The following AGPAT4 variants were observed in gnomAD, a reference collection of about 807,000 sequenced individuals.
AGPAT4 encodes 1-acyl-sn-glycerol-3-phosphate acyltransferase delta.
In AGPAT4, 15 loss-of-function variants were observed where a neutral mutation model predicts 48.0. That is an observed-to-expected ratio of 0.31 (90% confidence interval 0.21 to 0.48). The LOEUF (loss-of-function observed/expected upper bound fraction) is 0.48. AGPAT4 is among the 20% of genes least tolerant of loss of function. AGPAT4 has a pLI of 0.99. For synonymous variants in AGPAT4, 178 were observed against 198.7 expected, an observed-to-expected ratio of 0.90 and a Z score of 0.88; for missense variants, 314 against 482.5, an observed-to-expected ratio of 0.65 and a Z score of 3.27.
chr6:161,250,524 T>C (rs1317720132), intron 1 of AGPAT4, among the ~76,000 whole-genome samples: 1 of 152,188 alleles, frequency 6.6e-6, no homozygotes, highest in Non-Finnish European at 1.5e-5. Flanking sequence ...TATTTAGGCT[T>C]CTTTGTGTTT....
intron 2 of AGPAT4, among the ~76,000 whole-genome samples, chr6:161,173,003 A>G (rs935362726): frequency 2.6e-5 from 4 of 152,218 alleles, no homozygotes; most frequent in African/African-American, 9.7e-5. Context: ...ATACTATTCC[A>G]TGGTGTATAT....
rs1229176459 is a variant in AGPAT4 at position 161,134,981 on chromosome 6, T to G, written c.*1559A>C. On this transcript the variant is annotated 3_prime_UTR_variant, in exon 9 of 9. Coordinates refer to ENST00000320285, the MANE Select transcript of AGPAT4 (RefSeq NM_020133.3). ...TTTTTCCCTTTTTCACTTCTGTGGA[T>G]TCAAATAATTCATTTGTATCAACAA... is the stretch of plus-strand genomic sequence containing the variant. 1 of 123,458 alleles carries G rather than the reference T, an allele frequency of 8.1e-6. No individual in the cohort carries two copies. The highest frequency in any genetic ancestry group is 3.2e-5 in the African/African-American group (1 of 30,794). The allele number at this position is 123,458 out of a possible 1,614,324, so 7.6% of individuals were successfully genotyped here. A position where few individuals can be genotyped will look rare whatever the true frequency, so the allele number is the denominator to read the frequency against.
Position 161,234,866 on chromosome 6 carries a change from A to C in AGPAT4, c.-89-2564T>G, listed in dbSNP as rs1782228200. 6.6e-6 allele frequency among the ~76,000 whole-genome samples: 1 copy of C among 151,986 alleles called. No homozygotes were observed. The highest frequency in any genetic ancestry group is 2.4e-5 in the African/African-American group (1 of 41,354). On this transcript the variant is annotated intron_variant, in intron 1 of 8. Transcript: ENST00000320285. The surrounding 1 kb of genome is among the most constrained non-coding windows in gnomAD (Gnocchi z 4.4). ...TCAATATTAGGGCATTAGGAAGAAA[A>C]ATTAAGAATTCTTTTTTCCTTATAA...
Position 161,272,866 on chromosome 6 carries a change from G to A in AGPAT4, c.-90+1072C>T, listed in dbSNP as rs920362236. On this transcript the variant is annotated intron_variant, in intron 1 of 8. Transcript: ENST00000320285. The surrounding 1 kb of genome is among the most constrained non-coding windows in gnomAD (Gnocchi z 4.2). The stretch of plus-strand genomic sequence containing the variant: ...TCACCTTGAAGAGAGTGAATAGCGT[G>A]GCTAATCCATCTAAGAACAATGCAC... 6.6e-6 allele frequency among the ~76,000 whole-genome samples: 1 copy of A among 152,142 alleles called. No individual in the cohort carries two copies. Among genetic ancestry groups the A allele is most frequent in the Non-Finnish European group, 1.5e-5 (1 of 68,038 alleles).
In AGPAT4 at chr6:161,204,067, T is replaced by C. The variant is rs572832366; in HGVS notation, c.178+27969A>G. Among the ~76,000 whole-genome samples, 9 of 152,290 alleles carry C rather than the reference T, an allele frequency of 5.9e-5. No individual in the cohort carries two copies. In the East Asian group the frequency reaches 9.7e-4, roughly 16 times the overall value. ...TGTTGATTCTAGGTTGTTAAATGTT[T>C]AAAAACAATTTCAGACTCTTGAGTT... On this transcript the variant is annotated intron_variant, in intron 2 of 8. Transcript: ENST00000320285. This position sits in a 1 kb window ranked among gnomAD's most constrained non-coding sequence, Gnocchi z 4.4.
At chr6:161,256,106 T>C (rs998949252) in intron 1 of AGPAT4, among the ~76,000 whole-genome samples, 2 of 152,028 alleles carry the variant, frequency 1.3e-5, no homozygotes, top group East Asian at 3.9e-4. Context: ...GCGAGGCCGG[T>C]TGGCAGGATG....
Position 161,134,942 on chromosome 6 carries a change from A to G in AGPAT4, c.*1598T>C, listed in dbSNP as rs1779017504. ...AGGCTCTGCAGTACGCTCTTCCCAC[A>G]AGTCAGCCAGGATTTTTTCCCTTTT... is the stretch of plus-strand genomic sequence containing the variant. On this transcript the variant is annotated 3_prime_UTR_variant, in exon 9 of 9. Coordinates refer to ENST00000320285, the MANE Select transcript of AGPAT4 (RefSeq NM_020133.3). The G allele has an allele frequency of 6.6e-6, 1 of 152,250 alleles. No individual in the cohort carries two copies. Among genetic ancestry groups the G allele is most frequent in the Non-Finnish European group, 1.5e-5 (1 of 68,058 alleles). 9.4% of individuals were successfully genotyped at this position (152,250 alleles called of 1,614,324 possible).
At chr6:161,163,031 T>C (rs1779980761) in intron 3 of AGPAT4, among the ~76,000 whole-genome samples, 1 of 152,218 alleles carries the variant, frequency 6.6e-6, no homozygotes, top group Non-Finnish European at 1.5e-5. Context: ...CCCTGGCACA[T>C]GCCAGGAAGC....
rs1006820492 is a variant in AGPAT4 at position 161,255,016 on chromosome 6, C to A, written c.-90+18922G>T. Among the ~76,000 whole-genome samples, 1 of 152,150 alleles carries A rather than the reference C, an allele frequency of 6.6e-6. No homozygotes were observed. The highest frequency in any genetic ancestry group is 2.4e-5 in the African/African-American group (1 of 41,418). ...TGTTCTTATCGTTCCGAGGCCATTG[C>A]AGAGCCAGATACGGTTACACAGCCC... On this transcript the variant is annotated intron_variant, in intron 1 of 8. Transcript: ENST00000320285. The surrounding 1 kb of genome is among the most constrained non-coding windows in gnomAD (Gnocchi z 4.7).
chr6:161,269,392 G>A (rs980704887), intron 1 of AGPAT4, among the ~76,000 whole-genome samples: 8 of 152,198 alleles, frequency 5.3e-5, no homozygotes, highest in African/African-American at 1.9e-4. Flanking sequence ...TCCCTGCCCA[G>A]CACAGTTTAT....
chr6:161,197,364 C>T lies in AGPAT4; in HGVS notation c.179-30947G>A, dbSNP rs1781099018. Among the ~76,000 whole-genome samples, 1 of 152,130 alleles carries T rather than the reference C, an allele frequency of 6.6e-6. No homozygotes were observed. On this transcript the variant is annotated intron_variant, in intron 2 of 8. Coordinates refer to ENST00000320285, the MANE Select transcript of AGPAT4 (RefSeq NM_020133.3). The surrounding 1 kb of genome is among the most constrained non-coding windows in gnomAD (Gnocchi z 5.7). ...AGTGATTCTTGATGGAGTAAGTACA[C>T]CTGCTTATGTTTATTTCTTAACATG... is the stretch of plus-strand genomic sequence containing the variant.
chr6:161,146,461 C>A lies in AGPAT4; in HGVS notation c.843+63G>T. 6.5e-7 allele frequency: 1 copy of A among 1,544,586 alleles called. No homozygotes were observed. Among genetic ancestry groups the A allele is most frequent in the African/African-American group, 1.4e-5 (1 of 73,510 alleles). ...CGGAGAAAGGCCTGCTACCACACAACACAGCCACACGGCGCACCCACAGCT... is the reference window on the plus strand; with the variant it reads ...CGGAGAAAGGCCTGCTACCACACAAAACAGCCACACGGCGCACCCACAGCT... On this transcript the variant is annotated intron_variant, in intron 7 of 8. Transcript: ENST00000320285. The surrounding 1 kb of genome is among the most constrained non-coding windows in gnomAD (Gnocchi z 7.1).
rs911044130 is a variant in AGPAT4, at chr6:161,171,986, A to G, written c.179-5569T>C. On this transcript the variant is annotated intron_variant, in intron 2 of 8. Transcript: ENST00000320285. This position sits in a 1 kb window ranked among gnomAD's most constrained non-coding sequence, Gnocchi z 4.4. ...ATTCAGAACATAGCATCCCTGAAATATTTACCTTCTTGTCTAGGCATCCAA... is the reference window on the plus strand; with the variant it reads ...ATTCAGAACATAGCATCCCTGAAATGTTTACCTTCTTGTCTAGGCATCCAA... Among the ~76,000 whole-genome samples the G allele has an allele frequency of 3.3e-5, 5 of 152,224 alleles. No homozygotes were observed. Among genetic ancestry groups the G allele is most frequent in the African/African-American group, 1.2e-4 (5 of 41,462 alleles).
Position 161,219,670 on chromosome 6 carries a change from T to C in AGPAT4, c.178+12366A>G, listed in dbSNP as rs567977908. 6.6e-6 allele frequency among the ~76,000 whole-genome samples: 1 copy of C among 152,356 alleles called. No individual in the cohort carries two copies. Among genetic ancestry groups the C allele is most frequent in the South Asian group, 2.1e-4 (1 of 4,834 alleles). The stretch of plus-strand genomic sequence containing the variant: ...AAGACAACTTGACTTAAGCCAAGCA[T>C]CCATTCATACAATTCAGTATCACAT... On this transcript the variant is annotated intron_variant, in intron 2 of 8. Transcript: ENST00000320285. This position sits in a 1 kb window ranked among gnomAD's most constrained non-coding sequence, Gnocchi z 4.9.
In AGPAT4 at chr6:161,245,425, G is replaced by A. The variant is rs989502830; in HGVS notation, c.-89-13123C>T. ...ATGGGAAATGGGGCCACTTGTGCAC[G>A]TGCCTTTAACCACAGTGCTTCTGAT... On this transcript the variant is annotated intron_variant, in intron 1 of 8. Coordinates refer to ENST00000320285, the MANE Select transcript of AGPAT4 (RefSeq NM_020133.3). This position sits in a 1 kb window ranked among gnomAD's most constrained non-coding sequence, Gnocchi z 5.2. Among the ~76,000 whole-genome samples, 4 of 152,160 alleles carry A rather than the reference G, an allele frequency of 2.6e-5. No homozygotes were observed. Among genetic ancestry groups the A allele is most frequent in the Non-Finnish European group, 4.4e-5 (3 of 68,036 alleles).
rs1000638640 is a variant in AGPAT4, at chr6:161,234,103, G to C, written c.-89-1801C>G. Among the ~76,000 whole-genome samples, 1 of 152,174 alleles carries C rather than the reference G, an allele frequency of 6.6e-6. No individual in the cohort carries two copies. The highest frequency in any genetic ancestry group is 2.4e-5 in the African/African-American group (1 of 41,436). ...GCTCACAACTCCCTTTGGCAGAGCA[G>C]CCCAGAAATTCCCCCAAGGGCAGAA... On this transcript the variant is annotated intron_variant, in intron 1 of 8. Transcript: ENST00000320285. This position sits in a 1 kb window ranked among gnomAD's most constrained non-coding sequence, Gnocchi z 4.4.
Position 161,155,017 on chromosome 6 carries a change from CT to C in AGPAT4, c.349-708del, listed in dbSNP as rs1779727944. On this transcript the variant is annotated intron_variant, in intron 3 of 8. Coordinates refer to ENST00000320285, the MANE Select transcript of AGPAT4 (RefSeq NM_020133.3). The surrounding 1 kb of genome is among the most constrained non-coding windows in gnomAD (Gnocchi z 5.8). ...CAGACCAGGAGATGTGCTCGGTGCC[CT>C]CCACACCCGCTGCCAGCATGTCCTT... is the stretch of plus-strand genomic sequence containing the variant. Among the ~76,000 whole-genome samples, 1 of 152,222 alleles carries C rather than the reference CT, an allele frequency of 6.6e-6. No individual in the cohort carries two copies. Among genetic ancestry groups the C allele is most frequent in the Non-Finnish European group, 1.5e-5 (1 of 68,034 alleles).
rs763179762 is a variant in AGPAT4 at position 161,212,653 on chromosome 6, T to C, written c.178+19383A>G. Among the ~76,000 whole-genome samples, 4 of 152,194 alleles carry C rather than the reference T, an allele frequency of 2.6e-5. No individual in the cohort carries two copies. The highest frequency in any genetic ancestry group is 5.9e-5 in the Non-Finnish European group (4 of 68,038). ...TGTACATTTTCAGTGATAATTATAA[T>C]TTTTATGTTAAATTGTTAGTGTGCC... On this transcript the variant is annotated intron_variant, in intron 2 of 8. Coordinates refer to ENST00000320285, the MANE Select transcript of AGPAT4 (RefSeq NM_020133.3). This position sits in a 1 kb window ranked among gnomAD's most constrained non-coding sequence, Gnocchi z 6.1.
rs1011238122 is a variant in AGPAT4 at position 161,231,249 on chromosome 6, T to G, written c.178+787A>C. ...GGTATAGGCTTAAGGCTAATCAATA[T>G]CAATAGCAAAATGCATTTCTGGATG... On this transcript the variant is annotated intron_variant, in intron 2 of 8. Transcript: ENST00000320285. The surrounding 1 kb of genome is among the most constrained non-coding windows in gnomAD (Gnocchi z 5.3). 6.6e-6 allele frequency among the ~76,000 whole-genome samples: 1 copy of G among 152,210 alleles called. No homozygotes were observed. The highest frequency in any genetic ancestry group is 2.4e-5 in the African/African-American group (1 of 41,462).
Sources: allele counts gnomAD v4.1 joint callset (sites outside exome capture counted in the v4.1 genomes callset), GRCh38; gene constraint gnomAD v4.1.1; non-coding constraint Gnocchi (gnomAD v3.1); transcripts MANE v1.5; gene names NCBI Gene and HGNC (gene_info 2026-07-23, HGNC 2026-07-21).